The following DOCK5 variants were observed in gnomAD, a reference collection of about 807,000 sequenced individuals.
DOCK5 encodes dedicator of cytokinesis protein 5.
Under a neutral mutation model 251.8 loss-of-function variants are expected in DOCK5, and 142 were observed. The observed-to-expected ratio is 0.56, with a 90% confidence interval of 0.49 to 0.65. DOCK5 has a LOEUF of 0.65. Among genes scored for constraint, DOCK5 ranks in the 30% least tolerant of loss-of-function variants. The pLI is 0.00. For missense variants in DOCK5, 2,111 were observed against 2,312.3 expected, an observed-to-expected ratio of 0.91 and a Z score of 1.79; for synonymous variants, 842 against 835.5, an observed-to-expected ratio of 1.01 and a Z score of -0.13.
intron 40 of DOCK5, among the ~76,000 whole-genome samples, chr8:25,386,343 G>T (rs1429846344): frequency 1.3e-5 from 2 of 152,188 alleles, no homozygotes; most frequent in African/African-American, 4.8e-5. Context: ...AGCACTGGTA[G>T]GCCAAGGCAG....
intron 40 of DOCK5, among the ~76,000 whole-genome samples, chr8:25,385,505 G>C (rs769638125): frequency 3.3e-5 from 5 of 152,112 alleles, no homozygotes; most frequent in Non-Finnish European, 5.9e-5. Flanking sequence ...ATCATTGGAG[G>C]GGGTAGTTGA....
chr8:25,298,949 C>A lies in DOCK5; in HGVS notation c.612C>A (p.Ile204=). 1.2e-6 allele frequency: 2 copies of A among 1,610,014 alleles called. No homozygotes were observed. Among genetic ancestry groups the A allele is most frequent in the Non-Finnish European group, 1.7e-6 (2 of 1,178,616 alleles). Residue 204 remains isoleucine (I), a synonymous_variant, in exon 8 of 52, where the codon ATC becomes ATA. Transcript: ENST00000276440. ...IEEKIQEEKS[I]LQNLDLRGQS... ...TCTGTTCCCTCTTTGTTCAGTCAAT[C>A]CTGCAGAACCTCGATTTGCGGGGCC...
At chr8:25,307,379 A>C (rs1804972418) in intron 11 of DOCK5, among the ~76,000 whole-genome samples, 1 of 152,154 alleles carries the variant, frequency 6.6e-6, no homozygotes, top group Non-Finnish European at 1.5e-5. Flanking sequence ...TCGGCCTCCC[A>C]AAGTGCTGGG....
chr8:25,186,650 A>C (rs1223882783), intron 1 of DOCK5, among the ~76,000 whole-genome samples: 1 of 150,090 alleles, frequency 6.7e-6, no homozygotes, highest in Admixed American at 6.6e-5. Context: ...AAGTGTTGGG[A>C]TTACAGTCAT....
intron 1 of DOCK5, among the ~76,000 whole-genome samples, chr8:25,219,309 C>A (rs372428659): frequency 2.6e-4 from 40 of 152,264 alleles, no homozygotes; most frequent in African/African-American, 8.9e-4. Context: ...TCCAATATAT[C>A]CCCTCTGATA....
At chr8:25,380,070 C>T (rs562325907) in intron 38 of DOCK5, among the ~76,000 whole-genome samples, 5 of 152,236 alleles carry the variant, frequency 3.3e-5, no homozygotes, top group South Asian at 2.1e-4. Context: ...TCTTAATGTC[C>T]GTGCAAACAG....
chr8:25,277,821 C>T (rs1400783693), intron 4 of DOCK5, among the ~76,000 whole-genome samples: 1 of 152,198 alleles, frequency 6.6e-6, no homozygotes, highest in Non-Finnish European at 1.5e-5. Flanking sequence ...AAAAATCTTA[C>T]TATACCAGAA....
intron 28 of DOCK5, among the ~76,000 whole-genome samples, chr8:25,362,759 C>T (rs1423243113): frequency 2.0e-5 from 3 of 152,106 alleles, no homozygotes; most frequent in African/African-American, 7.2e-5. Flanking sequence ...TTTCTATGCC[C>T]TTAAGTGAGT....
intron 2 of DOCK5, among the ~76,000 whole-genome samples, chr8:25,265,381 T>C (rs1803715242): frequency 6.6e-6 from 1 of 151,968 alleles, no homozygotes; most frequent in Admixed American, 6.5e-5. Context: ...TTTTCTTCTT[T>C]CTTTGAACTT....
At chr8:25,377,628 A>T (rs1178869153) in intron 38 of DOCK5, among the ~76,000 whole-genome samples, 1 of 152,196 alleles carries the variant, frequency 6.6e-6, no homozygotes, top group Non-Finnish European at 1.5e-5. Flanking sequence ...CTGGGTATAC[A>T]TCTGGGGGGC....
intron 2 of DOCK5, among the ~76,000 whole-genome samples, chr8:25,247,041 C>A (rs1803135319): frequency 6.6e-6 from 1 of 151,856 alleles, no homozygotes; most frequent in African/African-American, 2.4e-5. Context: ...CATGTGCCAC[C>A]ACACCCAGCT....
rs990948949 is a variant in DOCK5, at chr8:25,336,387, C to A, written c.2327+14C>A. On this transcript the variant is annotated intron_variant, in intron 22 of 51. Transcript: ENST00000276440. ...GCTCTACTTGAGGTAATGTTAACTG[C>A]AGTGAAGATGTTTAGATTATCAGCT... 1 of 1,610,780 alleles carries A rather than the reference C, an allele frequency of 6.2e-7. No individual in the cohort carries two copies. The highest frequency in any genetic ancestry group is 1.3e-5 in the African/African-American group (1 of 75,010).
At chr8:25,374,494 C>A (rs1276932009) in intron 36 of DOCK5, 70 bp from the exon 37 acceptor site, 17 of 1,426,706 alleles carry the variant, frequency 1.2e-5, no homozygotes, top group Non-Finnish European at 1.6e-5. Flanking sequence ...AAGACCCTGT[C>A]TCAAAACAGA....
intron 1 of DOCK5, among the ~76,000 whole-genome samples, chr8:25,186,197 T>C (rs1389208057): frequency 1.3e-5 from 2 of 152,086 alleles, no homozygotes; most frequent in African/African-American, 4.8e-5. Context: ...ATATTATTCT[T>C]AGGTTGTGAT....
At chr8:25,197,154 C>G (rs1418260011) in intron 1 of DOCK5, among the ~76,000 whole-genome samples, 1 of 152,150 alleles carries the variant, frequency 6.6e-6, no homozygotes, top group Non-Finnish European at 1.5e-5. Flanking sequence ...CTTTGGGAGT[C>G]CTTTGACTGA....
In DOCK5 at chr8:25,304,302, A is replaced by C; in HGVS notation, c.1024A>C (p.Lys342Gln). The C allele has an allele frequency of 1.2e-6, 2 of 1,610,894 alleles. No individual in the cohort carries two copies. Among genetic ancestry groups the C allele is most frequent in the Non-Finnish European group, 1.7e-6 (2 of 1,178,664 alleles). Residue 342 changes from lysine to glutamine, a missense_variant, in exon 11 of 52, where the codon AAG becomes CAG. By Grantham distance (53) the Lys-to-Gln change is moderately conservative. This residue lies in a region of DOCK5 where 1,717 missense variants were observed against 1,892.4 expected (regional missense o/e 0.91). Coordinates refer to ENST00000276440, the MANE Select transcript of DOCK5 (RefSeq NM_024940.8). ...ACATGGGAAGGTGGATGATGAAGAA[A>C]AGCAGCATTTTATTCCCTTTCAGCA... ...IIHGKVDDEEKQHFIPFQQIA... is the reference protein window; with the variant it reads ...IIHGKVDDEEQQHFIPFQQIA...
intron 5 of DOCK5, among the ~76,000 whole-genome samples, chr8:25,282,082 C>G (rs979913376): frequency 6.6e-6 from 1 of 152,160 alleles, no homozygotes; most frequent in African/African-American, 2.4e-5. Flanking sequence ...CCTGCTTCTG[C>G]TCTTGATACA....
intron 6 of DOCK5, among the ~76,000 whole-genome samples, chr8:25,294,913 A>G (rs554872786): frequency 1.3e-5 from 2 of 152,046 alleles, no homozygotes; most frequent in African/African-American, 2.4e-5. Flanking sequence ...TCTCGTGAGA[A>G]CTCTATCACG....
intron 10 of DOCK5, among the ~76,000 whole-genome samples, chr8:25,303,948 G>A (rs1804832500): frequency 6.6e-6 from 1 of 152,132 alleles, no homozygotes; most frequent in Admixed American, 6.6e-5. Flanking sequence ...CCTGGGCAAA[G>A]GAGCAAGACT....
Sources: gnomAD v4.1 joint callset for allele counts (sites outside exome capture counted in the v4.1 genomes callset) on GRCh38, gnomAD v4.1.1 for gene constraint, gnomAD v4.1.1 regional missense constraint, MANE v1.5 for transcripts, NCBI Gene and HGNC (gene_info 2026-07-23, HGNC 2026-07-21) for gene names.